Variants in DLG2 observed in about 807,000 individuals in gnomAD.
The protein encoded by DLG2 is disks large homolog 2.
A neutral mutation model predicts 132.5 loss-of-function variants in DLG2; 45 were observed. The observed-to-expected ratio is 0.34, with a 90% CI of 0.27 to 0.44. DLG2 has a LOEUF of 0.44. Ranked by LOEUF, DLG2 falls within the 20% of genes least tolerant of loss-of-function variation. The probability of loss-of-function intolerance (pLI) is 1.00; values close to 1 mark genes in which losing one functional copy is unlikely to be tolerated. For synonymous variants in DLG2, 424 were observed against 419.6 expected, an observed-to-expected ratio of 1.01 and a Z score of -0.13; for missense variants, 1,045 against 1,196.9, an observed-to-expected ratio of 0.87 and a Z score of 1.87.
intron 7 of DLG2, among the ~76,000 whole-genome samples, chr11:84,370,910 G>A (rs1356480123): frequency 6.6e-6 from 1 of 152,098 alleles, no homozygotes; most frequent in African/African-American, 2.4e-5. Flanking sequence ...GCAGGTGGTG[G>A]GAGGAGGGCA....
intron 8 of DLG2, among the ~76,000 whole-genome samples, chr11:84,165,723 C>T (rs944990166): frequency 5.3e-5 from 8 of 152,020 alleles, no homozygotes; most frequent in African/African-American, 1.9e-4. Context: ...TATGGTGAAA[C>T]CCCGTCTCTA....
At chr11:85,080,505 T>C (rs986010762) in intron 6 of DLG2, among the ~76,000 whole-genome samples, 1 of 152,114 alleles carries the variant, frequency 6.6e-6, no homozygotes, top group Non-Finnish European at 1.5e-5. Flanking sequence ...AGCATTCACA[T>C]CTTTATATAG....
chr11:84,513,330 G>A (rs890563665), intron 7 of DLG2, among the ~76,000 whole-genome samples: 10 of 151,634 alleles, frequency 6.6e-5, no homozygotes, highest in African/African-American at 2.4e-4. Flanking sequence ...ATAGAAAAAA[G>A]ACAATCCTAA....
At chr11:85,000,061 C>T (rs2058060955) in intron 6 of DLG2, among the ~76,000 whole-genome samples, 1 of 152,092 alleles carries the variant, frequency 6.6e-6, no homozygotes, top group Non-Finnish European at 1.5e-5. Context: ...TTATCTCTAA[C>T]ATACCCGTGC....
At chr11:83,686,118 G>A (rs1009378466) in intron 18 of DLG2, among the ~76,000 whole-genome samples, 5 of 151,876 alleles carry the variant, frequency 3.3e-5, no homozygotes, top group African/African-American at 9.7e-5. Context: ...TTGCCTTGCC[G>A]CCACCCTTCC....
At chr11:84,503,249 G>C (rs1052264921) in intron 7 of DLG2, among the ~76,000 whole-genome samples, 6 of 152,132 alleles carry the variant, frequency 3.9e-5, no homozygotes, top group Non-Finnish European at 5.9e-5. Flanking sequence ...ATTCATGTCT[G>C]AATACCCAAT....
At chr11:83,776,226 C>T (rs114751314) in intron 18 of DLG2, among the ~76,000 whole-genome samples, 2,636 of 152,272 alleles carry the variant, frequency 0.017, 75 homozygotes, top group African/African-American at 0.06. Context: ...TTTATGTATT[C>T]ATAGGTCCAT....
At chr11:85,400,705 T>C (rs1293976029) in intron 3 of DLG2, among the ~76,000 whole-genome samples, 1 of 149,798 alleles carries the variant, frequency 6.7e-6, no homozygotes, top group Non-Finnish European at 1.5e-5. Context: ...CACCGCATGT[T>C]CTCACTCATA....
intron 8 of DLG2, among the ~76,000 whole-genome samples, chr11:84,181,495 G>A (rs1191892204): frequency 6.6e-6 from 1 of 151,962 alleles, no homozygotes; most frequent in Admixed American, 6.6e-5. Flanking sequence ...AACAGATATG[G>A]CAGATATTAA....
intron 6 of DLG2, among the ~76,000 whole-genome samples, chr11:85,074,077 A>G (rs1042838484): frequency 5.9e-5 from 9 of 151,832 alleles, no homozygotes; most frequent in African/African-American, 2.2e-4. Flanking sequence ...AACAACAGAC[A>G]CTGGAGCCTA....
intron 6 of DLG2, among the ~76,000 whole-genome samples, chr11:85,002,128 T>C (rs1446880494): frequency 6.6e-6 from 1 of 152,170 alleles, no homozygotes; most frequent in Admixed American, 6.6e-5. Context: ...TTTAATTATA[T>C]CTACTTGCTT....
chr11:84,678,236 T>G (rs2099719610), intron 6 of DLG2, among the ~76,000 whole-genome samples: 1 of 152,100 alleles, frequency 6.6e-6, no homozygotes, highest in Non-Finnish European at 1.5e-5. Context: ...CAAGGTTTTG[T>G]GAATCATATG....
chr11:83,729,644 C>T (rs753412907), intron 18 of DLG2, among the ~76,000 whole-genome samples: 1 of 152,154 alleles, frequency 6.6e-6, no homozygotes, highest in Non-Finnish European at 1.5e-5. Context: ...AATACAGGAT[C>T]ATAGTTCGCA....
In DLG2 at chr11:85,497,990, G is replaced by C. The variant is rs368954124; in HGVS notation, c.40+100667C>G. 7.2e-5 allele frequency among the ~76,000 whole-genome samples: 11 copies of C among 152,174 alleles called. No individual in the cohort carries two copies. The South Asian group carries it at 2.3e-3, about 31-fold the overall frequency. On this transcript the variant is annotated intron_variant, in intron 3 of 27. Coordinates refer to ENST00000376104, the MANE Select transcript of DLG2 (RefSeq NM_001142699.3). Reference sequence around the variant, plus strand: ...CTGCAAAAGCATGCCAAATTGTAAAGACCATCGATGCTATGAAGAAACCAC... The same window carrying C: ...CTGCAAAAGCATGCCAAATTGTAAACACCATCGATGCTATGAAGAAACCAC...
At chr11:83,543,424 A>G (rs2096140749) in intron 19 of DLG2, among the ~76,000 whole-genome samples, 1 of 152,196 alleles carries the variant, frequency 6.6e-6, no homozygotes, top group South Asian at 2.1e-4. Flanking sequence ...GAAATAACAC[A>G]TATGCAGCAT....
chr11:84,584,315 C>A (rs898961271), intron 6 of DLG2, among the ~76,000 whole-genome samples: 1 of 151,920 alleles, frequency 6.6e-6, no homozygotes, highest in Non-Finnish European at 1.5e-5. Flanking sequence ...TTTACCTTTT[C>A]TTTTGAAATG....
At chr11:85,275,652 C>A (rs767037787) in intron 4 of DLG2, among the ~76,000 whole-genome samples, 2 of 151,766 alleles carry the variant, frequency 1.3e-5, no homozygotes, top group Non-Finnish European at 2.9e-5. Flanking sequence ...ATATTCTGCC[C>A]TGTATAGAAA....
intron 6 of DLG2, among the ~76,000 whole-genome samples, chr11:84,580,930 A>T (rs2099514829): frequency 6.6e-6 from 1 of 152,140 alleles, no homozygotes; most frequent in Non-Finnish European, 1.5e-5. Flanking sequence ...GAATACTCAG[A>T]ATACTGTGTT....
intron 6 of DLG2, among the ~76,000 whole-genome samples, chr11:84,657,572 T>A (rs2099689711): frequency 6.6e-6 from 1 of 152,144 alleles, no homozygotes; most frequent in Admixed American, 6.5e-5. Context: ...CCACCTCAGA[T>A]CATCAGGCAT....
Sources: gnomAD v4.1 joint callset for allele counts (sites outside exome capture counted in the v4.1 genomes callset) on GRCh38, gnomAD v4.1.1 for gene constraint, MANE v1.5 for transcripts, NCBI Gene and HGNC (gene_info 2026-07-23, HGNC 2026-07-21) for gene names.